Variants in DCN observed in about 807,000 individuals in gnomAD.
DCN encodes the protein decorin.
A neutral mutation model predicts 36.5 loss-of-function variants in DCN; 17 were observed. The observed-to-expected ratio is 0.47, with a 90% CI of 0.32 to 0.70. The LOEUF (loss-of-function observed/expected upper bound fraction) is 0.70. Among genes scored for constraint, DCN ranks in the 30% least tolerant of loss-of-function variants. DCN has a pLI of 0.04. For missense variants in DCN, 389 were observed against 430.1 expected (o/e 0.90, Z 0.84); for synonymous variants, 163 against 161.4 (o/e 1.01, Z -0.07).
intron 7 of DCN, among the ~76,000 whole-genome samples, chr12:91,148,945 T>A (rs558034932): frequency 6.6e-5 from 10 of 152,262 alleles, no homozygotes; most frequent in Admixed American, 5.2e-4. Flanking sequence ...TCATTTACCA[T>A]CCTCTATATT....
chr12:91,173,126 A>C (rs577323877), intron 2 of DCN, among the ~76,000 whole-genome samples: 2 of 151,516 alleles, frequency 1.3e-5, no homozygotes, highest in South Asian at 4.2e-4. Context: ...TTTTTTTTTA[A>C]TTTTTGAGGA....
chr12:91,155,977 A>G (rs1308488910), intron 5 of DCN, among the ~76,000 whole-genome samples: 2 of 152,192 alleles, frequency 1.3e-5, no homozygotes, highest in African/African-American at 4.8e-5. Flanking sequence ...CCAAATGTCT[A>G]CATTTTGTAC....
chr12:91,150,233 A>G (rs1283792429), intron 7 of DCN, among the ~76,000 whole-genome samples: 1 of 152,230 alleles, frequency 6.6e-6, no homozygotes, highest in Non-Finnish European at 1.5e-5. Context: ...AATAGAATTG[A>G]AAGTCCAGAA....
At chr12:91,163,129 A>G (rs1882267668) in intron 3 of DCN, among the ~76,000 whole-genome samples, 1 of 152,242 alleles carries the variant, frequency 6.6e-6, no homozygotes, top group Admixed American at 6.5e-5. Context: ...GGAAGACCAC[A>G]TCACACTCAT....
intron 2 of DCN, chr12:91,177,666 C>G (rs1161214368): frequency 1.0e-5 from 7 of 700,626 alleles, no homozygotes; most frequent in Non-Finnish European, 1.8e-5. Context: ...GGGTGTTAGG[C>G]TAAAGATATA....
Position 91,145,863 on chromosome 12 carries a change from C to G in DCN, c.*195G>C. The G allele has an allele frequency of 1.7e-6, 1 of 578,406 alleles. No individual in the cohort carries two copies. Among genetic ancestry groups the G allele is most frequent in the South Asian group, 2.1e-5 (1 of 46,920 alleles). 35.8% of individuals were successfully genotyped at this position (578,406 alleles called of 1,614,324 possible). On this transcript the variant is annotated 3_prime_UTR_variant, in exon 8 of 8. Coordinates refer to ENST00000052754, the MANE Select transcript of DCN (RefSeq NM_001920.5). Reference sequence around the variant, plus strand: ...CAACAGAAAGCTTCAAAAGATGATTCTGAAAATGGCAGGCAAAATTTCTTT... The same window carrying G: ...CAACAGAAAGCTTCAAAAGATGATTGTGAAAATGGCAGGCAAAATTTCTTT...
chr12:91,182,399 T>C (rs183684941), intron 1 of DCN, among the ~76,000 whole-genome samples: 48 of 152,224 alleles, frequency 3.2e-4, no homozygotes, highest in African/African-American at 1.1e-3. Context: ...GTCATGGTGT[T>C]AGGTTACAGT....
At position 91,157,143 on chromosome 12, in the gene DCN, G is replaced by A. The variant is rs768866022; in HGVS notation, c.584C>T (p.Ala195Val). ...GGAGAGCTTCTTCATTCCCTGGAAAGCCCCATTTTCAATTCCTGAGCTCTT... is the reference window on the plus strand; with the variant it reads ...GGAGAGCTTCTTCATTCCCTGGAAAACCCCATTTTCAATTCCTGAGCTCTT... ...PLKSSGIENG[A>V]FQGMKKLSYI... Residue 195 changes from alanine to valine, a missense_variant, in exon 5 of 8, where the codon GCT becomes GTT. Ala to Val is a moderately conservative substitution (Grantham distance 64, BLOSUM62 0). Transcript: ENST00000052754. 1.2e-6 allele frequency: 2 copies of A among 1,613,922 alleles called. No individual in the cohort carries two copies. Among genetic ancestry groups the A allele is most frequent in the Non-Finnish European group, 1.7e-6 (2 of 1,179,854 alleles).
Sources: allele counts gnomAD v4.1 joint callset (sites outside exome capture counted in the v4.1 genomes callset), GRCh38; gene constraint gnomAD v4.1.1; transcripts MANE v1.5; gene names NCBI Gene and HGNC (gene_info 2026-07-23, HGNC 2026-07-21).